ZNF99: variants seen among roughly 807,000 people sequenced by gnomAD.
ZNF99 encodes zinc finger protein 99, also known as zinc finger protein ENSP00000375192.
A neutral mutation model predicts 12.8 loss-of-function variants in ZNF99; 8 were observed. That is an observed-to-expected ratio of 0.62 (90% CI 0.37 to 1.13). The LOEUF (loss-of-function observed/expected upper bound fraction) is 1.13, where lower values mean the gene tolerates loss of function less well. ZNF99 is among the 50% of genes most tolerant of loss of function. ZNF99 has a pLI of 0.02. For synonymous variants in ZNF99, 318 were observed against 319.0 expected (o/e 1.00, Z 0.03); for missense variants, 1,007 against 1,006.2 (o/e 1.00, Z -0.01).
chr19:22,758,979 C>G lies in ZNF99; in HGVS notation c.930G>C (p.Glu310Asp). 6.2e-7 allele frequency: 1 copy of G among 1,613,716 alleles called. No homozygotes were observed. ...CACATTCTTCGCATTTGTAGGGTTT[C>G]TCTCCAGTATGAATTGCTTTATGTC... ...LTRHKAIHTG[E>D]KPYKCEECGK... Residue 310 changes from glutamate to aspartate, a missense_variant, in exon 4 of 4, where the codon GAG (glutamate) becomes GAC (aspartate). Physicochemically the swap from Glu to Asp is conservative, Grantham distance 45. Coordinates refer to ENST00000596209, the MANE Select transcript of ZNF99 (RefSeq NM_001080409.3).
intron 1 of ZNF99, among the ~76,000 whole-genome samples, chr19:22,773,304 C>T (rs1973292221): frequency 6.6e-6 from 1 of 152,164 alleles, no homozygotes; most frequent in Non-Finnish European, 1.5e-5. Flanking sequence ...AAATTTTCTT[C>T]AGCCCCGGAG....
chr19:22,768,906 G>C (rs1973233895), intron 2 of ZNF99, among the ~76,000 whole-genome samples: 1 of 151,818 alleles, frequency 6.6e-6, no homozygotes, highest in Non-Finnish European at 1.5e-5. Context: ...GTGCATGCCT[G>C]TAATCCCAGC....
At chr19:22,783,285 A>T (rs1175535148) in intron 1 of ZNF99, among the ~76,000 whole-genome samples, 1 of 150,372 alleles carries the variant, frequency 6.7e-6, no homozygotes, top group Non-Finnish European at 1.5e-5. Context: ...CGTTTCAAAA[A>T]AAGAAAGAAA....
chr19:22,763,502 A>G (rs544760441), intron 3 of ZNF99, among the ~76,000 whole-genome samples: 79 of 152,330 alleles, frequency 5.2e-4, no homozygotes, highest in Non-Finnish European at 9.7e-4. Context: ...AAATGGAAAC[A>G]GTCCACGTTC....
intron 1 of ZNF99, among the ~76,000 whole-genome samples, chr19:22,781,145 T>G (rs1973382642): frequency 6.6e-6 from 1 of 152,188 alleles, no homozygotes; most frequent in South Asian, 2.1e-4. Context: ...AAGTATTTTC[T>G]TACCTTTCAA....
At position 22,754,381 on chromosome 19, in the gene ZNF99, A is replaced by AC. The variant is rs1568380712; in HGVS notation, c.*2932_*2933insG. ...GACTCCATTTCAAAAAAAAAAAAAAAACTTTGCCACATTCTTCACATTTGT... is the reference window on the plus strand; with the variant it reads ...GACTCCATTTCAAAAAAAAAAAAAAACACTTTGCCACATTCTTCACATTTGT... On this transcript the variant is annotated 3_prime_UTR_variant, in exon 4 of 4. Transcript: ENST00000596209. The AC allele has an allele frequency of 4.8e-6, 2 of 419,568 alleles. No homozygotes were observed. The highest frequency in any genetic ancestry group is 9.3e-6 in the Non-Finnish European group (2 of 214,786). 26.0% of individuals were successfully genotyped at this position (419,568 alleles called of 1,614,324 possible).
rs986947171 is a variant in ZNF99, at chr19:22,752,843, G to C, written c.*4471C>G. ...TTAATTTTAACTAAAATTTTAAAAT[G>C]TTTTTCTCACTATAATGCACAAAAA... On this transcript the variant is annotated 3_prime_UTR_variant, in exon 4 of 4. Transcript: ENST00000596209. 1 of 152,004 alleles carries C rather than the reference G, an allele frequency of 6.6e-6. No homozygotes were observed. The highest frequency in any genetic ancestry group is 1.5e-5 in the Non-Finnish European group (1 of 67,952). The allele number at this position is 152,004 out of a possible 1,614,324, so 9.4% of individuals were successfully genotyped here.
chr19:22,766,402 C>T (rs1482979044), intron 3 of ZNF99, among the ~76,000 whole-genome samples: 2 of 150,058 alleles, frequency 1.3e-5, no homozygotes, highest in African/African-American at 2.5e-5. Flanking sequence ...TGCGGTGGCA[C>T]GATCTCAGCT....
chr19:22,783,872 A>C, intron 1 of ZNF99, 142 bp downstream of exon 1: 1 of 1,100,112 alleles, frequency 9.1e-7, no homozygotes, highest in East Asian at 2.4e-5. Context: ...TGGCTGAAGG[A>C]GACTGAGGCC....
chr19:22,767,663 A>G (rs1296460661), intron 3 of ZNF99, among the ~76,000 whole-genome samples: 1 of 152,326 alleles, frequency 6.6e-6, no homozygotes, highest in East Asian at 1.9e-4. Flanking sequence ...GCAACATAAC[A>G]GTTGCAGACA....
chr19:22,780,615 C>T (rs58928705), intron 1 of ZNF99, among the ~76,000 whole-genome samples: 29 of 150,860 alleles, frequency 1.9e-4, no homozygotes, highest in African/African-American at 6.1e-4. Context: ...CACTTGAACC[C>T]GGGAGGCAGA....
At position 22,759,293 on chromosome 19, in the gene ZNF99, G is replaced by T; in HGVS notation, c.616C>A (p.Arg206Ser). The change falls in exon 4 of 4, where the codon CGT becomes AGT. Residue 206 changes from arginine to serine, a missense_variant. Arg to Ser is a moderately radical substitution (Grantham distance 110). Coordinates refer to ENST00000596209, the MANE Select transcript of ZNF99 (RefSeq NM_001080409.3). ...GAGAACCATTTAAAGGCTTTGCCAC[G>T]TTCTTCACATTTGTAGATATTCTCT... is the stretch of plus-strand genomic sequence containing the variant. ...TRENIYKCEE[R>S]GKAFKWFSTL... is the part of the protein sequence containing the mutation. 6.5e-7 allele frequency: 1 copy of T among 1,549,650 alleles called. No individual in the cohort carries two copies. The highest frequency in any genetic ancestry group is 2.4e-5 in the East Asian group (1 of 41,044).
intron 1 of ZNF99, among the ~76,000 whole-genome samples, chr19:22,771,804 G>A (rs1227385301): frequency 7.3e-6 from 1 of 136,226 alleles, no homozygotes; most frequent in Non-Finnish European, 1.6e-5. Flanking sequence ...TGCAACCTCT[G>A]CCTCCCGGGT....
intron 1 of ZNF99, among the ~76,000 whole-genome samples, chr19:22,776,252 G>A (rs1973324723): frequency 6.6e-6 from 1 of 150,756 alleles, no homozygotes; most frequent in East Asian, 2.0e-4. Flanking sequence ...TCAGGAGGCT[G>A]AGGCAGGAGA....
In ZNF99 at chr19:22,759,405, A is replaced by T; in HGVS notation, c.504T>A (p.Thr168=). 1 of 1,572,328 alleles carries T rather than the reference A, an allele frequency of 6.4e-7. No homozygotes were observed. The highest frequency in any genetic ancestry group is 8.6e-7 in the Non-Finnish European group (1 of 1,157,576). The change falls in exon 4 of 4, where the codon ACT becomes ACA. Residue 168 remains threonine, a synonymous_variant. Transcript: ENST00000596209. ...SNSNRYKIRH[T]KKKTFKCMKC... ...TCATACATTTGAAAGTTTTCTTTTT[A>T]GTGTGTCTAATCTTATATCTATTTG...
rs555399303 is a variant in ZNF99 at position 22,783,244 on chromosome 19, C to T, written c.3+770G>A. ...GCGTTGAGCCGAGATCGCGCCACTG[C>T]ACTCCAGCCTGGGCAACAAGAACAA... On this transcript the variant is annotated intron_variant, in intron 1 of 3. Coordinates refer to ENST00000596209, the MANE Select transcript of ZNF99 (RefSeq NM_001080409.3). Among the ~76,000 whole-genome samples, 44 of 152,140 alleles carry T rather than the reference C, an allele frequency of 2.9e-4. No individual in the cohort carries two copies. In the South Asian group the frequency reaches 3.7e-3, roughly 13 times the overall value.
Position 22,758,145 on chromosome 19 carries a change from A to C in ZNF99, c.1764T>G (p.Thr588=). The change falls in exon 4 of 4, where the codon ACT becomes ACG. Residue 588 remains threonine (T), a synonymous_variant. Transcript: ENST00000596209. ...CTTCACATTTGTAGGGTTTCTCCCCAGTATGAATTGCTTTATGTCTAGTAA... is the reference window on the plus strand; with the variant it reads ...CTTCACATTTGTAGGGTTTCTCCCCCGTATGAATTGCTTTATGTCTAGTAA... ...SHLTRHKAIH[T]GEKPYKCEEC... is the part of the protein sequence containing the mutation. 6.2e-7 allele frequency: 1 copy of C among 1,613,600 alleles called. No individual in the cohort carries two copies. Among genetic ancestry groups the C allele is most frequent in the Non-Finnish European group, 8.5e-7 (1 of 1,179,716 alleles).
At position 22,756,804 on chromosome 19, in the gene ZNF99, A is replaced by C. The variant is rs1201730511; in HGVS notation, c.*510T>G. The C allele has an allele frequency of 6.2e-7, 1 of 1,611,454 alleles. No individual in the cohort carries two copies. The highest frequency in any genetic ancestry group is 8.5e-7 in the Non-Finnish European group (1 of 1,178,932). On this transcript the variant is annotated 3_prime_UTR_variant, in exon 4 of 4. Coordinates refer to ENST00000596209, the MANE Select transcript of ZNF99 (RefSeq NM_001080409.3). ...CTTCACATTTGTAGGGTTTCTTTCCAGTATAATTATCTCATGTTTTCTAAG... is the reference window on the plus strand; with the variant it reads ...CTTCACATTTGTAGGGTTTCTTTCCCGTATAATTATCTCATGTTTTCTAAG...
In ZNF99 at chr19:22,756,772, C is replaced by T. The variant is rs763626148; in HGVS notation, c.*542G>A. 1.9e-6 allele frequency: 3 copies of T among 1,611,740 alleles called. No individual in the cohort carries two copies. Among genetic ancestry groups the T allele is most frequent in the East Asian group, 2.2e-5 (1 of 44,796 alleles). On this transcript the variant is annotated 3_prime_UTR_variant, in exon 4 of 4. Coordinates refer to ENST00000596209, the MANE Select transcript of ZNF99 (RefSeq NM_001080409.3). The stretch of plus-strand genomic sequence containing the variant: ...GGTTGAGGAATTGTTAAAAGCTTTG[C>T]CACATTCTTCACATTTGTAGGGTTT...
Sources: gnomAD v4.1 joint callset for allele counts (sites outside exome capture counted in the v4.1 genomes callset) on GRCh38, gnomAD v4.1.1 for gene constraint, MANE v1.5 for transcripts, NCBI Gene and HGNC (gene_info 2026-07-23, HGNC 2026-07-21) for gene names.